PCDHA11: variants seen among roughly 807,000 people sequenced by gnomAD.
The protein encoded by PCDHA11 is protocadherin alpha 11, also known as protocadherin alpha-11.
Under a neutral mutation model 70.3 loss-of-function variants are expected in PCDHA11, and 61 were observed. The ratio of observed to expected loss-of-function variants is 0.87; its 90% CI spans 0.71 to 1.07. PCDHA11 has a LOEUF of 1.07. Ranked by LOEUF, PCDHA11 falls within the 50% of genes least tolerant of loss-of-function variation. The pLI, the probability that PCDHA11 is intolerant of heterozygous loss-of-function variation, is 0.00. For missense variants in PCDHA11, 1,324 were observed against 1,237.5 expected, an observed-to-expected ratio of 1.07 and a Z score of -1.05; for synonymous variants, 633 against 555.1, an observed-to-expected ratio of 1.14 and a Z score of -1.97.
intron 1 of PCDHA11, chr5:140,875,905 T>C (rs1554168057): frequency 2.0e-5 from 32 of 1,614,104 alleles, no homozygotes; most frequent in Non-Finnish European, 1.6e-5. Flanking sequence ...TGTTTCTGAA[T>C]CTGCGCCTCT....
chr5:140,950,952 A>G (rs1554219699), intron 1 of PCDHA11, among the ~76,000 whole-genome samples: 2 of 151,782 alleles, frequency 1.3e-5, no homozygotes, highest in Admixed American at 1.3e-4. Context: ...GATCATTTCT[A>G]TTGATCTATT....
At chr5:140,984,730 T>C (rs956611464) in intron 3 of PCDHA11, among the ~76,000 whole-genome samples, 4 of 152,186 alleles carry the variant, frequency 2.6e-5, no homozygotes, top group Non-Finnish European at 4.4e-5. Context: ...ATTAAGATTA[T>C]GATTTAGAGT....
At position 140,950,714 on chromosome 5, in the gene PCDHA11, TA is replaced by T. The variant is rs554168605; in HGVS notation, c.2392-28234del. On this transcript the variant is annotated intron_variant, in intron 1 of 3. Coordinates refer to ENST00000398640, the MANE Select transcript of PCDHA11 (RefSeq NM_018902.5). ...AAATTTGACAAATTTTTGTTCCTTA[TA>T]TCCTTAAATTTTTTAATCCTAATTT... Among the ~76,000 whole-genome samples the T allele has an allele frequency of 2.0e-3, 304 of 152,244 alleles. 4 individuals are homozygous for T. The highest frequency in any genetic ancestry group is 6.6e-3 in the African/African-American group (275 of 41,574).
intron 1 of PCDHA11, chr5:140,968,218 A>C (rs1586280879): frequency 6.2e-7 from 1 of 1,614,012 alleles, no homozygotes. Flanking sequence ...ACAATTTGCC[A>C]GGTGTGTTGC....
At chr5:140,997,291 G>C (rs2097766119) in intron 3 of PCDHA11, among the ~76,000 whole-genome samples, 1 of 152,030 alleles carries the variant, frequency 6.6e-6, no homozygotes, top group African/African-American at 2.4e-5. Flanking sequence ...TTAACAATGG[G>C]GATACACTGA....
chr5:140,898,156 G>C (rs1176390379), intron 1 of PCDHA11, among the ~76,000 whole-genome samples: 2 of 152,114 alleles, frequency 1.3e-5, no homozygotes, highest in African/African-American at 4.8e-5. Context: ...TCACGCTGAT[G>C]GTGGTTTCTT....
intron 1 of PCDHA11, among the ~76,000 whole-genome samples, chr5:140,878,502 G>A (rs782817563): frequency 2.0e-5 from 3 of 152,028 alleles, no homozygotes; most frequent in Admixed American, 6.5e-5. Flanking sequence ...CCATCTGTAC[G>A]ATACAGTACA....
chr5:140,941,304 CTTTT>C (rs2093021953), intron 1 of PCDHA11, among the ~76,000 whole-genome samples: 1 of 84,848 alleles, frequency 1.2e-5, no homozygotes, highest in African/African-American at 4.2e-5. Context: ...TTCTTTCTTT[CTTTT>C]TCTTCTTTCT....
intron 2 of PCDHA11, among the ~76,000 whole-genome samples, chr5:140,979,725 G>A (rs2096861699): frequency 6.6e-6 from 1 of 152,136 alleles, no homozygotes; most frequent in South Asian, 2.1e-4. Context: ...CCATGCCATG[G>A]GGCCAAATAA....
intron 1 of PCDHA11, chr5:140,966,708 C>G (rs1033433543): frequency 7.2e-7 from 1 of 1,384,746 alleles, no homozygotes; most frequent in Non-Finnish European, 9.3e-7. Context: ...GCGTGGGGCA[C>G]GGCTGGGGAA....
chr5:140,977,012 TTC>T (rs2096742095), intron 1 of PCDHA11, among the ~76,000 whole-genome samples: 1 of 152,220 alleles, frequency 6.6e-6, no homozygotes, highest in African/African-American at 2.4e-5. Context: ...GTAACTGTGA[TTC>T]TGTCAAATGA....
chr5:140,931,314 A>G (rs782684940), intron 1 of PCDHA11, among the ~76,000 whole-genome samples: 3 of 152,176 alleles, frequency 2.0e-5, no homozygotes, highest in Non-Finnish European at 4.4e-5. Context: ...GGAGAATACC[A>G]GTAATGGCTG....
chr5:140,871,594 A>G (rs1278020366), intron 1 of PCDHA11, 100 bp downstream of exon 1: 2 of 1,456,310 alleles, frequency 1.4e-6, no homozygotes, highest in Non-Finnish European at 1.8e-6. Context: ...TTTATGAATA[A>G]CCAGTGTTTT....
rs1175289327 is a variant in PCDHA11 at position 140,945,113 on chromosome 5, T to TA, written c.2392-33830dup. ...TAATAAACAAAATAAAGTTGAAAGA[T>TA]AAAAAATCAACTTACAAAAATCAAT... On this transcript the variant is annotated intron_variant, in intron 1 of 3. Coordinates refer to ENST00000398640, the MANE Select transcript of PCDHA11 (RefSeq NM_018902.5). Among the ~76,000 whole-genome samples, 7 of 152,200 alleles carry TA rather than the reference T, an allele frequency of 4.6e-5. No individual in the cohort carries two copies. In the East Asian group the frequency reaches 1.2e-3, roughly 25 times the overall value.
chr5:140,928,569 G>A (rs2085338493), intron 1 of PCDHA11: 2 of 1,614,202 alleles, frequency 1.2e-6, no homozygotes, highest in Non-Finnish European at 1.7e-6. Flanking sequence ...TGTTTCCCTT[G>A]CCCAGAAATG....
intron 3 of PCDHA11, among the ~76,000 whole-genome samples, chr5:140,994,342 T>C (rs571225967): frequency 1.3e-5 from 2 of 152,288 alleles, no homozygotes; most frequent in South Asian, 4.1e-4. Flanking sequence ...ACAGTGGATG[T>C]TGTGGGACCT....
In PCDHA11 at chr5:140,869,025, C is replaced by A. The variant is rs1424812323; in HGVS notation, c.-79C>A. 7 of 1,525,592 alleles carry A rather than the reference C, an allele frequency of 4.6e-6. No homozygotes were observed. In the East Asian group the frequency reaches 1.4e-4, roughly 30 times the overall value. The allele number at this position is 1,525,592 out of a possible 1,614,324, so 94.5% of individuals were successfully genotyped here. ...CCTTTGAAACTTCTTAAGAATTCAA[C>A]GAGATTTTTAACCTGAAACTGAAGA... On this transcript the variant is annotated 5_prime_UTR_variant, in exon 1 of 4. Transcript: ENST00000398640.
At chr5:140,988,519 T>C (rs187868159) in intron 3 of PCDHA11, among the ~76,000 whole-genome samples, 69 of 152,324 alleles carry the variant, frequency 4.5e-4, no homozygotes, top group African/African-American at 1.5e-3. Context: ...TACTTAAGTC[T>C]CTGCTGGCTC....
intron 1 of PCDHA11, among the ~76,000 whole-genome samples, chr5:140,906,736 AT>A (rs1330405649): frequency 6.6e-6 from 1 of 152,132 alleles, no homozygotes; most frequent in Non-Finnish European, 1.5e-5. Flanking sequence ...GTAGTTTCCC[AT>A]TGACACAGGG....
Sources: allele counts gnomAD v4.1 joint callset (sites outside exome capture counted in the v4.1 genomes callset), GRCh38; gene constraint gnomAD v4.1.1; transcripts MANE v1.5; gene names NCBI Gene and HGNC (gene_info 2026-07-23, HGNC 2026-07-21).